GLUL: variants seen among roughly 807,000 people sequenced by gnomAD.
GLUL encodes the protein glutamine synthetase.
Under a neutral mutation model 36.9 loss-of-function variants are expected in GLUL, and 8 were observed. That is an observed-to-expected ratio of 0.22 (90% CI 0.13 to 0.39). The LOEUF is 0.39. Ranked by LOEUF, GLUL falls within the 10% of genes least tolerant of loss-of-function variation. The pLI is 1.00. For missense variants in GLUL, 315 were observed against 501.8 expected, an observed-to-expected ratio of 0.63 and a Z score of 3.56; for synonymous variants, 182 against 172.8, an observed-to-expected ratio of 1.05 and a Z score of -0.42.
chr1:182,388,222 T>TC (rs1418693483), intron 2 of GLUL, among the ~76,000 whole-genome samples: 1 of 152,182 alleles, frequency 6.6e-6, no homozygotes, highest in Admixed American at 6.5e-5. Flanking sequence ...TAGATGGCAT[T>TC]CTCAGGTTAG....
intron 1 of GLUL, chr1:182,389,436 A>C (rs1317740707): frequency 1.3e-5 from 2 of 152,894 alleles, no homozygotes; most frequent in Non-Finnish European, 2.9e-5. Context: ...TTTCCTACAC[A>C]AAAGCTGATT....
At chr1:182,386,032 G>T in intron 4 of GLUL, 145 bp from the exon 5 acceptor site, 1 of 924,022 alleles carries the variant, frequency 1.1e-6, no homozygotes. Context: ...GGGGCAATAG[G>T]GGAGTTCCTC....
rs753853643 is a variant in GLUL at position 182,384,717 on chromosome 1, G to T, written c.810C>A (p.Ile270=). 1 of 1,613,062 alleles carries T rather than the reference G, an allele frequency of 6.2e-7. No homozygotes were observed. The highest frequency in any genetic ancestry group is 1.1e-5 in the South Asian group (1 of 91,054). Residue 270 remains isoleucine (I), a synonymous_variant, in exon 7 of 7, where the codon ATC becomes ATA. Coordinates refer to ENST00000331872, the MANE Select transcript of GLUL (RefSeq NM_001033044.4). ...AMREENGLKY[I]EEAIEKLSKR... is the part of the protein sequence containing the mutation. ...TGCTTAGTTTCTCAATGGCCTCCTCGATGTACCTAGAGTAAACAGAAAAGA... is the reference window on the plus strand; with the variant it reads ...TGCTTAGTTTCTCAATGGCCTCCTCTATGTACCTAGAGTAAACAGAAAAGA...
intron 2 of GLUL, among the ~76,000 whole-genome samples, chr1:182,387,741 C>T (rs978546389): frequency 6.6e-6 from 1 of 152,190 alleles, no homozygotes; most frequent in Non-Finnish European, 1.5e-5. Flanking sequence ...GGATGACTTA[C>T]TCTAGGATGC....
chr1:182,391,179 A>T, intron 1 of GLUL: 1 of 398,632 alleles, frequency 2.5e-6, no homozygotes, highest in East Asian at 3.6e-5. Flanking sequence ...GCTCACCGTT[A>T]CACGCCGCAA....
rs1649953141 is a variant in GLUL at position 182,382,102 on chromosome 1, G to A, written c.*2303C>T. ...GGCCCCAGCTACCTCGCACTGGTAA[G>A]AGTATACTGCCTTTTAAAAACAATC... On this transcript the variant is annotated 3_prime_UTR_variant, in exon 7 of 7. Coordinates refer to ENST00000331872, the MANE Select transcript of GLUL (RefSeq NM_001033044.4). 6.6e-6 allele frequency: 1 copy of A among 152,186 alleles called. No individual in the cohort carries two copies. Among genetic ancestry groups the A allele is most frequent in the African/African-American group, 2.4e-5 (1 of 41,430 alleles). 9.4% of individuals were successfully genotyped at this position (152,186 alleles called of 1,614,324 possible).
chr1:182,383,807 T>C lies in GLUL; in HGVS notation c.*598A>G. On this transcript the variant is annotated 3_prime_UTR_variant, in exon 7 of 7. Coordinates refer to ENST00000331872, the MANE Select transcript of GLUL (RefSeq NM_001033044.4). ...CAAGCAGTAAGAACCTTTTCTTCTT[T>C]CAAGGTAGGGATATCCATCAGTTTA... 6.4e-6 allele frequency: 1 copy of C among 155,382 alleles called. No homozygotes were observed. The highest frequency in any genetic ancestry group is 6.3e-5 in the Admixed American group (1 of 15,998). 9.6% of individuals were successfully genotyped at this position (155,382 alleles called of 1,614,324 possible). A position where few individuals can be genotyped will look rare whatever the true frequency, so the allele number is the denominator to read the frequency against.
At position 182,382,027 on chromosome 1, in the gene GLUL, A is replaced by G. The variant is rs968629850; in HGVS notation, c.*2378T>C. On this transcript the variant is annotated 3_prime_UTR_variant, in exon 7 of 7. Transcript: ENST00000331872. Reference sequence around the variant, plus strand: ...CACGGATATCTAGGATTACTTGACTAGTGTAAAATACACAGTTGCCTGAAG... The same window carrying G: ...CACGGATATCTAGGATTACTTGACTGGTGTAAAATACACAGTTGCCTGAAG... 1.3e-5 allele frequency: 2 copies of G among 152,230 alleles called. No homozygotes were observed. Among genetic ancestry groups the G allele is most frequent in the Non-Finnish European group, 1.5e-5 (1 of 68,052 alleles). 9.4% of individuals were successfully genotyped at this position (152,230 alleles called of 1,614,324 possible).
At position 182,388,560 on chromosome 1, in the gene GLUL, T is replaced by C. The variant is rs368203669; in HGVS notation, c.166+12A>G. On this transcript the variant is annotated intron_variant, in intron 2 of 6. Transcript: ENST00000331872. The stretch of plus-strand genomic sequence containing the variant: ...CACCCAGCATGTGCTCCACTCCACA[T>C]TGCTGTCTCACCTTCCACACACTTG... The C allele has an allele frequency of 2.5e-5, 40 of 1,612,282 alleles. No homozygotes were observed. The African/African-American group carries it at 3.3e-4, about 13-fold the overall frequency.
rs1405670982 is a variant in GLUL at position 182,384,461 on chromosome 1, T to C, written c.1066A>G (p.Ile356Val). The change falls in exon 7 of 7, where the codon ATC (isoleucine) becomes GTC (valine). Residue 356 changes from isoleucine (I) to valine (V), a missense_variant. Ile to Val is a conservative substitution (Grantham distance 29). Coordinates refer to ENST00000331872, the MANE Select transcript of GLUL (RefSeq NM_001033044.4). ...CDPFSVTEAL[I>V]RTCLLNETGD... ...GTTTCATTGAGAAGACACGTGCGGA[T>C]GAGGGCTTCTGTCACCGAAAAGGGG... 3.7e-6 allele frequency: 6 copies of C among 1,613,688 alleles called. No homozygotes were observed. The highest frequency in any genetic ancestry group is 5.1e-6 in the Non-Finnish European group (6 of 1,179,786).
chr1:182,389,116 C>A (rs767165748), intron 1 of GLUL: 1 of 337,880 alleles, frequency 3.0e-6, no homozygotes. Flanking sequence ...AGAACTTATA[C>A]TTGTGAGGAC....
intron 2 of GLUL, among the ~76,000 whole-genome samples, chr1:182,387,627 T>G (rs1050875137): frequency 6.6e-6 from 1 of 152,226 alleles, no homozygotes; most frequent in Admixed American, 6.5e-5. Flanking sequence ...TAGTGAAGGA[T>G]TCTGATTCTT....
intron 1 of GLUL, chr1:182,389,094 G>T: frequency 2.9e-6 from 1 of 350,872 alleles, no homozygotes; most frequent in Non-Finnish European, 5.6e-6. Flanking sequence ...GCAGAACCCA[G>T]GCTTCCAAGC....
Position 182,382,741 on chromosome 1 carries a change from TAG to T in GLUL, c.*1662_*1663del, listed in dbSNP as rs565567542. Reference sequence around the variant, plus strand: ...TCCCTTAAGTCCCAAATACCCAACTTAGAGAGGTACAGGAAACGGCTGGTCAG... The same window carrying T: ...TCCCTTAAGTCCCAAATACCCAACTTAGAGGTACAGGAAACGGCTGGTCAG... On this transcript the variant is annotated 3_prime_UTR_variant, in exon 7 of 7. Transcript: ENST00000331872. 35 of 152,172 alleles carry T rather than the reference TAG, an allele frequency of 2.3e-4. No individual in the cohort carries two copies. Among genetic ancestry groups the T allele is most frequent in the African/African-American group, 7.9e-4 (33 of 41,516 alleles). 9.4% of individuals were successfully genotyped at this position (152,172 alleles called of 1,614,324 possible).
Position 182,383,822 on chromosome 1 carries a change from CCAT to C in GLUL, c.*580_*582del, listed in dbSNP as rs1650042821. 1 of 155,964 alleles carries C rather than the reference CCAT, an allele frequency of 6.4e-6. No homozygotes were observed. The highest frequency in any genetic ancestry group is 2.4e-5 in the African/African-American group (1 of 41,434). The allele number at this position is 155,964 out of a possible 1,614,324, so 9.7% of individuals were successfully genotyped here. A position where few individuals can be genotyped will look rare whatever the true frequency, so the allele number is the denominator to read the frequency against. The stretch of plus-strand genomic sequence containing the variant: ...TTTTCTTCTTTCAAGGTAGGGATAT[CCAT>C]CAGTTTATACTAAGCTTCGTGTTCA... On this transcript the variant is annotated 3_prime_UTR_variant, in exon 7 of 7. Transcript: ENST00000331872.
rs1650030260 is a variant in GLUL at position 182,383,528 on chromosome 1, G to A, written c.*877C>T. 6.6e-6 allele frequency: 1 copy of A among 152,116 alleles called. No individual in the cohort carries two copies. The highest frequency in any genetic ancestry group is 6.5e-5 in the Admixed American group (1 of 15,274). The allele number at this position is 152,116 out of a possible 1,614,324, so 9.4% of individuals were successfully genotyped here. A position where few individuals can be genotyped will look rare whatever the true frequency, so the allele number is the denominator to read the frequency against. ...AGTGCCCACCTTCTCCAGAGGGTGG[G>A]CAGGGCAGAAACCCAAAAGGGTCTT... is the stretch of plus-strand genomic sequence containing the variant. On this transcript the variant is annotated 3_prime_UTR_variant, in exon 7 of 7. Coordinates refer to ENST00000331872, the MANE Select transcript of GLUL (RefSeq NM_001033044.4).
intron 2 of GLUL, 62 bp downstream of exon 2, chr1:182,388,510 C>A (rs1571409760): frequency 2.1e-6 from 3 of 1,427,086 alleles, no homozygotes; most frequent in South Asian, 1.1e-5. Context: ...GAGTCAAAGG[C>A]TGCTGCCCAC....
In GLUL at chr1:182,385,522, C is replaced by G; in HGVS notation, c.638G>C (p.Ser213Thr). 2 of 1,614,156 alleles carry G rather than the reference C, an allele frequency of 1.2e-6. No individual in the cohort carries two copies. Among genetic ancestry groups the G allele is most frequent in the Non-Finnish European group, 1.7e-6 (2 of 1,179,980 alleles). The change falls in exon 6 of 7, where the codon AGC becomes ACC. Residue 213 changes from serine to threonine, a missense_variant. Ser to Thr is a moderately conservative substitution (Grantham distance 58, BLOSUM62 1). Transcript: ENST00000331872. The stretch of plus-strand genomic sequence containing the variant: ...GGCCACCCAGAGATGATCTCCCATG[C>G]TGATTCCTTCACAAGGTCCAATCTG... The part of the protein sequence containing the change: ...EFQIGPCEGI[S>T]MGDHLWVARF...
At chr1:182,390,638 G>A (rs1650371461) in intron 1 of GLUL, 3 of 399,390 alleles carry the variant, frequency 7.5e-6, no homozygotes, top group East Asian at 3.6e-5. Context: ...CGATGGAGAA[G>A]GGGACAGACA....
Sources: allele counts gnomAD v4.1 joint callset (sites outside exome capture counted in the v4.1 genomes callset), GRCh38; gene constraint gnomAD v4.1.1; transcripts MANE v1.5; gene names NCBI Gene and HGNC (gene_info 2026-07-23, HGNC 2026-07-21).